The following GABPA variants were observed in gnomAD, a reference collection of about 807,000 sequenced individuals.
GABPA encodes GA-binding protein alpha chain.
A neutral mutation model predicts 59.4 loss-of-function variants in GABPA; 4 were observed. The observed-to-expected ratio is 0.07, with a 90% CI of 0.03 to 0.15. The LOEUF is 0.15. Among genes scored for constraint, GABPA ranks in the 10% least tolerant of loss-of-function variants. The probability of loss-of-function intolerance (pLI) is 1.00; values close to 1 mark genes in which losing one functional copy is unlikely to be tolerated. For synonymous variants in GABPA, 164 were observed against 183.1 expected (o/e 0.90, Z 0.84); for missense variants, 251 against 543.8 (o/e 0.46, Z 5.36).
chr21:25,750,022 A>G (rs2035468166), intron 4 of GABPA, among the ~76,000 whole-genome samples: 1 of 152,128 alleles, frequency 6.6e-6, no homozygotes, highest in Non-Finnish European at 1.5e-5. Context: ...TAATTATACA[A>G]CTCACCATAA....
intron 7 of GABPA, among the ~76,000 whole-genome samples, chr21:25,763,541 G>A (rs992651431): frequency 1.3e-5 from 2 of 152,144 alleles, no homozygotes; most frequent in East Asian, 1.9e-4. Flanking sequence ...GTTTATTACT[G>A]TCTGCATATT....
intron 6 of GABPA, 148 bp from the exon 7 acceptor site, chr21:25,762,164 T>C: frequency 2.0e-6 from 1 of 496,920 alleles, no homozygotes; most frequent in Non-Finnish European, 3.6e-6. Flanking sequence ...TTTTAAGGTT[T>C]TTATGCCAGT....
At chr21:25,753,137 A>G (rs1601130965) in intron 5 of GABPA, among the ~76,000 whole-genome samples, 1 of 152,200 alleles carries the variant, frequency 6.6e-6, no homozygotes, top group East Asian at 1.9e-4. Context: ...GCTGGGCTTA[A>G]TTAAGATGGT....
rs962620933 is a variant in GABPA, at chr21:25,735,027, G to C, written c.-578G>C. On this transcript the variant is annotated 5_prime_UTR_variant, in exon 1 of 10. Coordinates refer to ENST00000400075, the MANE Select transcript of GABPA (RefSeq NM_002040.4). ...TCTCGGAGACAGTCTGCGACCGGAC[G>C]GGTCTAGGTGAGACAGAAGCCAAAC... 9 of 1,496,878 alleles carry C rather than the reference G, an allele frequency of 6.0e-6. No homozygotes were observed. Among genetic ancestry groups the C allele is most frequent in the East Asian group, 2.5e-5 (1 of 40,742 alleles). 92.7% of individuals were successfully genotyped at this position (1,496,878 alleles called of 1,614,324 possible).
chr21:25,758,775 C>T (rs1490070051), intron 6 of GABPA, among the ~76,000 whole-genome samples: 1 of 152,150 alleles, frequency 6.6e-6, no homozygotes, highest in Non-Finnish European at 1.5e-5. Flanking sequence ...AGTTTTTCCA[C>T]TTATAACTTG....
At chr21:25,764,424 G>GA (rs1415504133) in intron 8 of GABPA, 74 bp downstream of exon 8, 9 of 1,465,484 alleles carry the variant, frequency 6.1e-6, no homozygotes, top group Non-Finnish European at 8.3e-6. Context: ...TTTACTGTAT[G>GA]AAAAATGTGA....
In GABPA at chr21:25,741,558, A is replaced by G. The variant is rs766209229; in HGVS notation, c.-26-15A>G. The G allele has an allele frequency of 4.4e-6, 6 of 1,378,596 alleles. No homozygotes were observed. The highest frequency in any genetic ancestry group is 4.0e-6 in the Non-Finnish European group (4 of 991,826). 85.4% of individuals were successfully genotyped at this position (1,378,596 alleles called of 1,614,324 possible). A position where few individuals can be genotyped will look rare whatever the true frequency, so the allele number is the denominator to read the frequency against. On this transcript the variant is annotated splice_polypyrimidine_tract_variant and intron_variant, in intron 1 of 9. Coordinates refer to ENST00000400075, the MANE Select transcript of GABPA (RefSeq NM_002040.4). ...GTGGATAGTTTTAAAATATCTTAAA[A>G]AGTCACTCTTGCAGGACTGATCCTT...
intron 2 of GABPA, among the ~76,000 whole-genome samples, chr21:25,742,774 AT>A (rs1472632145): frequency 1.5e-5 from 2 of 136,694 alleles, no homozygotes; most frequent in South Asian, 2.4e-4. Context: ...AAAAAAAAAA[AT>A]AGCCTGGCCT....
chr21:25,758,329 T>G (rs2035686789), intron 6 of GABPA, 125 bp downstream of exon 6: 1 of 684,200 alleles, frequency 1.5e-6, no homozygotes, highest in Non-Finnish European at 2.4e-6. Context: ...TTAACATTTA[T>G]TTACTGTATA....
intron 2 of GABPA, among the ~76,000 whole-genome samples, chr21:25,743,463 C>T (rs1243479699): frequency 6.6e-6 from 1 of 151,936 alleles, no homozygotes; most frequent in Non-Finnish European, 1.5e-5. Context: ...TGTGGATAGT[C>T]TAGGTTAGGC....
At chr21:25,758,762 A>T (rs750940126) in intron 6 of GABPA, among the ~76,000 whole-genome samples, 6 of 152,194 alleles carry the variant, frequency 3.9e-5, no homozygotes, top group Non-Finnish European at 7.3e-5. Context: ...GCCATTGGTT[A>T]TAAGTTTTTC....
In GABPA at chr21:25,745,453, A is replaced by G. The variant is rs1405940395; in HGVS notation, c.222+99A>G. 5.2e-6 allele frequency: 6 copies of G among 1,147,712 alleles called. No homozygotes were observed. In the Admixed American group the frequency reaches 1.5e-4, roughly 29 times the overall value. 71.1% of individuals were successfully genotyped at this position (1,147,712 alleles called of 1,614,324 possible). A position where few individuals can be genotyped will look rare whatever the true frequency, so the allele number is the denominator to read the frequency against. The stretch of plus-strand genomic sequence containing the variant: ...TTATAGCTATAGACTTTATCTCTGT[A>G]AGAAGATTTGACCTGTATTACTGTA... On this transcript the variant is annotated intron_variant, in intron 3 of 9. Coordinates refer to ENST00000400075, the MANE Select transcript of GABPA (RefSeq NM_002040.4).
intron 9 of GABPA, among the ~76,000 whole-genome samples, chr21:25,765,212 C>T (rs1020654329): frequency 3.3e-5 from 5 of 151,884 alleles, no homozygotes; most frequent in Admixed American, 1.3e-4. Context: ...ACAAACTCTC[C>T]GTAAGTAGTA....
intron 2 of GABPA, among the ~76,000 whole-genome samples, chr21:25,741,979 GT>G (rs1463585267): frequency 6.6e-6 from 1 of 152,150 alleles, no homozygotes; most frequent in Non-Finnish European, 1.5e-5. Flanking sequence ...TTCAGAAATA[GT>G]TTAATTCAAC....
At chr21:25,747,776 G>T (rs948693902) in intron 3 of GABPA, among the ~76,000 whole-genome samples, 10 of 152,268 alleles carry the variant, frequency 6.6e-5, no homozygotes, top group African/African-American at 2.4e-4. Flanking sequence ...ATTTGCCATA[G>T]CTTCTAATGG....
chr21:25,752,257 A>G (rs745460856), intron 5 of GABPA, 23 bp downstream of exon 5: 2 of 1,606,748 alleles, frequency 1.2e-6, no homozygotes, highest in Admixed American at 3.4e-5. Flanking sequence ...ATAATTCTAT[A>G]TTGGGTAGAA....
chr21:25,768,562 G>A (rs2146107183), intron 9 of GABPA, among the ~76,000 whole-genome samples: 1 of 152,064 alleles, frequency 6.6e-6, no homozygotes, highest in Admixed American at 6.6e-5. Flanking sequence ...TGATATGAGG[G>A]TATAAGCACT....
chr21:25,743,584 C>CTTT (rs58148744), intron 2 of GABPA, among the ~76,000 whole-genome samples: 1 of 134,742 alleles, frequency 7.4e-6, no homozygotes, highest in Non-Finnish European at 1.6e-5. Context: ...ATGAGATCAT[C>CTTT]TTTTTTTTTT....
rs563637090 is a variant in GABPA at position 25,762,956 on chromosome 21, C to T, written c.802+591C>T. 1.1e-4 allele frequency: 42 copies of T among 370,668 alleles called. 1 individual carries two copies. Among genetic ancestry groups the T allele is most frequent in the South Asian group, 2.5e-4 (9 of 36,670 alleles). The allele number at this position is 370,668 out of a possible 1,614,324, so 23.0% of individuals were successfully genotyped here. On this transcript the variant is annotated intron_variant, in intron 7 of 9. Transcript: ENST00000400075. The stretch of plus-strand genomic sequence containing the variant: ...GAAGAGTCTACCAGGGCAAACCCTT[C>T]GCCGCCTCCACTACTTTTGCTTGGC...
Sources: gnomAD v4.1 joint callset for allele counts (sites outside exome capture counted in the v4.1 genomes callset) on GRCh38, gnomAD v4.1.1 for gene constraint, MANE v1.5 for transcripts, NCBI Gene and HGNC (gene_info 2026-07-23, HGNC 2026-07-21) for gene names.